The following FAT3 variants were observed in gnomAD, a reference collection of about 807,000 sequenced individuals.
FAT3 encodes the protein protocadherin Fat 3.
Under a neutral mutation model 310.2 loss-of-function variants are expected in FAT3, and 95 were observed. The observed-to-expected ratio is 0.31, with a 90% confidence interval of 0.26 to 0.36. The LOEUF (loss-of-function observed/expected upper bound fraction) is 0.36, where lower values mean the gene tolerates loss of function less well. Ranked by LOEUF, FAT3 falls within the 10% of genes least tolerant of loss-of-function variation. FAT3 has a pLI of 1.00. For missense variants in FAT3, 5,408 were observed against 5,715.6 expected (o/e 0.95, Z 1.74); for synonymous variants, 2,314 against 2,192.9 (o/e 1.06, Z -1.54).
At position 92,352,982 on chromosome 11, in the gene FAT3, A is replaced by C; in HGVS notation, c.870A>C (p.Leu290Phe). 4 of 1,613,908 alleles carry C rather than the reference A, an allele frequency of 2.5e-6. No individual in the cohort carries two copies. The highest frequency in any genetic ancestry group is 3.4e-6 in the Non-Finnish European group (4 of 1,179,874). Residue 290 changes from leucine (L) to phenylalanine (F), a missense_variant, in exon 2 of 28, where the codon TTA (leucine) becomes TTC (phenylalanine). By Grantham distance (22) the Leu-to-Phe change is conservative (BLOSUM62 0). Coordinates refer to ENST00000525166, the MANE Select transcript of FAT3 (RefSeq NM_001367949.2). Reference protein sequence around the residue: ...PTYAVVTVDDLDDGANGEIES... With the variant: ...PTYAVVTVDDFDDGANGEIES... Reference sequence around the variant, plus strand: ...ATGCAGTGGTGACAGTTGATGACTTAGATGATGGAGCGAATGGAGAGATCG... The same window carrying C: ...ATGCAGTGGTGACAGTTGATGACTTCGATGATGGAGCGAATGGAGAGATCG...
chr11:92,760,220 G>A (rs745527086), intron 4 of FAT3, among the ~76,000 whole-genome samples: 1 of 152,180 alleles, frequency 6.6e-6, no homozygotes, highest in Non-Finnish European at 1.5e-5. Flanking sequence ...CAAAGAAAGC[G>A]AGAACTTGTG....
At chr11:92,808,750 C>G (rs1947579856) in intron 12 of FAT3, among the ~76,000 whole-genome samples, 1 of 151,904 alleles carries the variant, frequency 6.6e-6, no homozygotes, top group African/African-American at 2.4e-5. Context: ...ACAGTGAAAC[C>G]CCGTCTCCAC....
chr11:92,234,355 T>A (rs775429318), intron 1 of FAT3, among the ~76,000 whole-genome samples: 48 of 152,190 alleles, frequency 3.2e-4, no homozygotes, highest in Non-Finnish European at 5.9e-4. Flanking sequence ...TCTCCCTCAG[T>A]ACTGCTTTGA....
intron 3 of FAT3, among the ~76,000 whole-genome samples, chr11:92,682,285 CCACATAGGGAATA>C (rs1246797058): frequency 3.9e-5 from 6 of 152,150 alleles, no homozygotes; most frequent in Admixed American, 2.6e-4. Flanking sequence ...ATACTGCCTG[CCACATAGGGAATA>C]CTCAGACAAT....
chr11:92,228,948 A>C (rs1590975494), intron 1 of FAT3, among the ~76,000 whole-genome samples: 1 of 152,114 alleles, frequency 6.6e-6, no homozygotes, highest in East Asian at 1.9e-4. Context: ...GGGCCTGTCC[A>C]TTTGAATTGA....
intron 2 of FAT3, among the ~76,000 whole-genome samples, chr11:92,472,619 A>G (rs562846009): frequency 1.7e-3 from 253 of 152,366 alleles, no homozygotes; most frequent in African/African-American, 5.7e-3. Context: ...TCTTGTGTAT[A>G]TAGCATACAG....
chr11:92,739,665 G>C (rs1334717187), intron 4 of FAT3, among the ~76,000 whole-genome samples: 1 of 152,158 alleles, frequency 6.6e-6, no homozygotes, highest in Non-Finnish European at 1.5e-5. Flanking sequence ...AAAGTTACAT[G>C]TTTAAGCATA....
chr11:92,843,272 T>C (rs1291598974), intron 18 of FAT3, among the ~76,000 whole-genome samples: 1 of 152,150 alleles, frequency 6.6e-6, no homozygotes. Context: ...ACCCAGCCCA[T>C]GGGAATCTGC....
At chr11:92,333,892 TC>T (rs944553538) in intron 1 of FAT3, among the ~76,000 whole-genome samples, 1 of 151,238 alleles carries the variant, frequency 6.6e-6, no homozygotes, top group Non-Finnish European at 1.5e-5. Context: ...TGATTCCCCC[TC>T]CCCCCCAACA....
chr11:92,590,345 CAGAA>C (rs1939364343), intron 3 of FAT3, among the ~76,000 whole-genome samples: 1 of 152,048 alleles, frequency 6.6e-6, no homozygotes, highest in Non-Finnish European at 1.5e-5. Flanking sequence ...CTGCGTCTGA[CAGAA>C]AGAAGGGCTG....
chr11:92,745,158 GAA>G (rs1192481130), intron 4 of FAT3, among the ~76,000 whole-genome samples: 1 of 152,214 alleles, frequency 6.6e-6, no homozygotes, highest in African/African-American at 2.4e-5. Flanking sequence ...CCAGCACTAT[GAA>G]ATAGAAGGGA....
chr11:92,240,576 CA>C lies in FAT3; in HGVS notation c.-18+15414del, dbSNP rs570423845. ...TACTTGAAACAAAATGAAACCCCCC[CA>C]AAAAAAAAAAACCCAAAAAACCAAA... On this transcript the variant is annotated intron_variant, in intron 1 of 27. Coordinates refer to ENST00000525166, the MANE Select transcript of FAT3 (RefSeq NM_001367949.2). Among the ~76,000 whole-genome samples the C allele has an allele frequency of 3.3e-3, 458 of 140,720 alleles. 5 individuals are homozygous for C. Among genetic ancestry groups the C allele is most frequent in the South Asian group, 0.012 (55 of 4,572 alleles). The allele number at this position is 140,720 out of a possible 152,430, so 92.3% of individuals were successfully genotyped here.
At chr11:92,711,550 G>A (rs1944521731) in intron 4 of FAT3, among the ~76,000 whole-genome samples, 1 of 152,088 alleles carries the variant, frequency 6.6e-6, no homozygotes, top group African/African-American at 2.4e-5. Flanking sequence ...AATGTAATTT[G>A]GCAGATTATT....
chr11:92,860,981 A>G (rs1949105432), intron 21 of FAT3, among the ~76,000 whole-genome samples: 1 of 152,242 alleles, frequency 6.6e-6, no homozygotes, highest in South Asian at 2.1e-4. Context: ...AGAAAATAAG[A>G]AAAGTACTTT....
At chr11:92,575,463 T>C (rs995363708) in intron 3 of FAT3, among the ~76,000 whole-genome samples, 1 of 152,194 alleles carries the variant, frequency 6.6e-6, no homozygotes, top group Non-Finnish European at 1.5e-5. Context: ...ATTAGGTCTT[T>C]TATAACTTCA....
At chr11:92,538,649 C>A (rs967097747) in intron 3 of FAT3, among the ~76,000 whole-genome samples, 2 of 151,984 alleles carry the variant, frequency 1.3e-5, no homozygotes, top group African/African-American at 4.8e-5. Flanking sequence ...CTGCTATAAA[C>A]CAGGTACAAT....
chr11:92,341,265 G>T (rs1031539623), intron 1 of FAT3, among the ~76,000 whole-genome samples: 1 of 152,164 alleles, frequency 6.6e-6, no homozygotes, highest in African/African-American at 2.4e-5. Context: ...ACTGACTCAG[G>T]ATTCTGCAGC....
chr11:92,674,259 AAAG>A (rs1943219362), intron 3 of FAT3, among the ~76,000 whole-genome samples: 1 of 150,756 alleles, frequency 6.6e-6, no homozygotes, highest in Non-Finnish European at 1.5e-5. Flanking sequence ...TGTGATGGAG[AAAG>A]AAGGAGTTTG....
intron 20 of FAT3, 124 bp from the exon 21 acceptor site, chr11:92,859,041 C>T (rs1949054116): frequency 1.3e-6 from 1 of 792,678 alleles, no homozygotes; most frequent in African/African-American, 1.7e-5. Flanking sequence ...TCCTCATTGC[C>T]TTCATTAACT....
Sources: allele counts gnomAD v4.1 joint callset (sites outside exome capture counted in the v4.1 genomes callset), GRCh38; gene constraint gnomAD v4.1.1; transcripts MANE v1.5; gene names NCBI Gene and HGNC (gene_info 2026-07-23, HGNC 2026-07-21).